SLC24A4: variants seen among roughly 807,000 people sequenced by gnomAD.
SLC24A4 encodes the protein sodium/potassium/calcium exchanger 4.
SLC24A4 carries 53 observed loss-of-function variants against 79.0 expected under a neutral mutation model. The ratio of observed to expected loss-of-function variants is 0.67; its 90% CI spans 0.54 to 0.84. The LOEUF (loss-of-function observed/expected upper bound fraction) is 0.84, where lower values mean the gene tolerates loss of function less well. Ranked by LOEUF, SLC24A4 falls within the 40% of genes least tolerant of loss-of-function variation. SLC24A4 has a pLI of 0.00. For missense variants in SLC24A4, 731 were observed against 822.0 expected, an observed-to-expected ratio of 0.89 and a Z score of 1.35; for synonymous variants, 323 against 323.8, an observed-to-expected ratio of 1.00 and a Z score of 0.03.
chr14:92,449,013 G>A lies in SLC24A4; in HGVS notation c.738-61G>A, dbSNP rs984018223. ...TGCAGGGATGGGGTGTGATCCACCC[G>A]CTGCCCAGTTGGTGGGACTCCTTTC... On this transcript the variant is annotated intron_variant, in intron 9 of 16. Transcript: ENST00000532405. 21 of 1,592,988 alleles carry A rather than the reference G, an allele frequency of 1.3e-5. No homozygotes were observed. The Admixed American group carries it at 1.9e-4, about 14-fold the overall frequency.
At chr14:92,484,279 G>A (rs746277503) in intron 13 of SLC24A4, 478 of 985,236 alleles carry the variant, frequency 4.9e-4, no homozygotes, top group Non-Finnish European at 5.5e-4. Context: ...CCTCACCTCA[G>A]ATGCTTCCTC....
At chr14:92,389,022 T>C (rs1889322597) in intron 2 of SLC24A4, among the ~76,000 whole-genome samples, 1 of 152,134 alleles carries the variant, frequency 6.6e-6, no homozygotes, top group Non-Finnish European at 1.5e-5. Flanking sequence ...GCAGAACTAA[T>C]ATGACAACTG....
intron 2 of SLC24A4, among the ~76,000 whole-genome samples, chr14:92,350,577 A>G (rs1886809574): frequency 6.6e-6 from 1 of 152,152 alleles, no homozygotes; most frequent in Non-Finnish European, 1.5e-5. Context: ...ATGATCTCCA[A>G]ACTCTCTCAG....
chr14:92,350,065 G>C (rs1361704481), intron 2 of SLC24A4, among the ~76,000 whole-genome samples: 1 of 152,226 alleles, frequency 6.6e-6, no homozygotes, highest in Non-Finnish European at 1.5e-5. Flanking sequence ...CCCAGAAGAA[G>C]GCACTTGTGC....
intron 2 of SLC24A4, among the ~76,000 whole-genome samples, chr14:92,424,063 G>A (rs542689351): frequency 4.6e-5 from 7 of 152,174 alleles, no homozygotes; most frequent in South Asian, 4.2e-4. Flanking sequence ...CTCTGCCTTC[G>A]TCATCCCATG....
intron 2 of SLC24A4, among the ~76,000 whole-genome samples, chr14:92,425,228 T>C (rs1469348409): frequency 6.6e-6 from 1 of 152,240 alleles, no homozygotes; most frequent in East Asian, 1.9e-4. Context: ...TCTTCCAGCC[T>C]CCAGAACTGG....
At chr14:92,370,998 C>G (rs1888121064) in intron 2 of SLC24A4, among the ~76,000 whole-genome samples, 1 of 152,170 alleles carries the variant, frequency 6.6e-6, no homozygotes, top group South Asian at 2.1e-4. Context: ...AACCTCCAAT[C>G]AAGTATTGAT....
intron 2 of SLC24A4, among the ~76,000 whole-genome samples, chr14:92,385,857 T>G (rs1303239045): frequency 6.6e-6 from 1 of 152,202 alleles, no homozygotes; most frequent in Non-Finnish European, 1.5e-5. Context: ...AATGCTCTTC[T>G]TGAATTTGAT....
chr14:92,451,326 C>T (rs1036519372), intron 10 of SLC24A4: 1 of 152,310 alleles, frequency 6.6e-6, no homozygotes, highest in South Asian at 2.1e-4. Flanking sequence ...AGTCACTGTT[C>T]TGCACTGTCC....
intron 2 of SLC24A4, among the ~76,000 whole-genome samples, chr14:92,393,267 A>G (rs1249335382): frequency 6.6e-6 from 1 of 152,262 alleles, no homozygotes; most frequent in African/African-American, 2.4e-5. Flanking sequence ...TACCTCAGTG[A>G]TGGAATCACA....
chr14:92,383,160 C>T (rs1888951024), intron 2 of SLC24A4, among the ~76,000 whole-genome samples: 1 of 152,214 alleles, frequency 6.6e-6, no homozygotes, highest in Non-Finnish European at 1.5e-5. Flanking sequence ...TTCTCACAGT[C>T]ACGTCTAAAG....
intron 2 of SLC24A4, among the ~76,000 whole-genome samples, chr14:92,360,929 G>A (rs1427798407): frequency 6.6e-6 from 1 of 152,160 alleles, no homozygotes; most frequent in Non-Finnish European, 1.5e-5. Flanking sequence ...GCATTTCAGA[G>A]GACAAGACAC....
chr14:92,456,119 T>G (rs1042773781), intron 11 of SLC24A4, among the ~76,000 whole-genome samples: 1 of 152,234 alleles, frequency 6.6e-6, no homozygotes, highest in Non-Finnish European at 1.5e-5. Context: ...CCCCGAATGA[T>G]GGCTGTCACC....
intron 2 of SLC24A4, among the ~76,000 whole-genome samples, chr14:92,407,448 T>A (rs1367682834): frequency 6.6e-6 from 1 of 152,210 alleles, no homozygotes; most frequent in African/African-American, 2.4e-5. Context: ...GATGCCAATT[T>A]TCTGTATTAA....
At position 92,424,699 on chromosome 14, in the gene SLC24A4, CA is replaced by C. The variant is rs35472642; in HGVS notation, c.242-9201del. 6.0e-3 allele frequency among the ~76,000 whole-genome samples: 853 copies of C among 143,176 alleles called. 5 individuals are homozygous for C. Among genetic ancestry groups the C allele is most frequent in the African/African-American group, 0.018 (680 of 38,736 alleles). The allele number at this position is 143,176 out of a possible 152,430, so 93.9% of individuals were successfully genotyped here. A position where few individuals can be genotyped will look rare whatever the true frequency, so the allele number is the denominator to read the frequency against. On this transcript the variant is annotated intron_variant, in intron 2 of 16. Coordinates refer to ENST00000532405, the MANE Select transcript of SLC24A4 (RefSeq NM_153646.4). ...CATAATAGTGAGACCCTATCTCTAC[CA>C]AAAAAAAAAAATACCAAAAATATAT...
chr14:92,390,332 TC>T (rs1344980291), intron 2 of SLC24A4, among the ~76,000 whole-genome samples: 2 of 151,960 alleles, frequency 1.3e-5, no homozygotes, highest in African/African-American at 4.8e-5. Context: ...GCACAGCTAC[TC>T]CCCAACAGGA....
At chr14:92,450,156 T>G (rs537873139) in intron 10 of SLC24A4, 1 of 152,462 alleles carries the variant, frequency 6.6e-6, no homozygotes, top group East Asian at 1.9e-4. Flanking sequence ...TCCCCCGCTT[T>G]CTCCATGGCC....
rs528468738 is a variant in SLC24A4, at chr14:92,362,684, A to G, written c.241+36706A>G. Among the ~76,000 whole-genome samples the G allele has an allele frequency of 4.1e-4, 62 of 152,286 alleles. No homozygotes were observed. In the South Asian group the frequency reaches 4.6e-3, roughly 11 times the overall value. On this transcript the variant is annotated intron_variant, in intron 2 of 16. Coordinates refer to ENST00000532405, the MANE Select transcript of SLC24A4 (RefSeq NM_153646.4). Reference sequence around the variant, plus strand: ...GAAGTCCACTCACCCCGTCACAGTGATCCCCCCGAGGCGGCACCAGTGTGC... The same window carrying G: ...GAAGTCCACTCACCCCGTCACAGTGGTCCCCCCGAGGCGGCACCAGTGTGC...
chr14:92,342,367 T>TTAATTAATTA (rs879362080), intron 2 of SLC24A4, among the ~76,000 whole-genome samples: 144 of 135,338 alleles, frequency 1.1e-3, no homozygotes, highest in African/African-American at 3.8e-3. Flanking sequence ...TTTCCCCATT[T>TTAATTAATTA]ATTTATTTAT....
Sources: allele counts gnomAD v4.1 joint callset (sites outside exome capture counted in the v4.1 genomes callset), GRCh38; gene constraint gnomAD v4.1.1; transcripts MANE v1.5; gene names NCBI Gene and HGNC (gene_info 2026-07-23, HGNC 2026-07-21).